The following MAGI3 variants were observed in gnomAD, a reference collection of about 807,000 sequenced individuals.
The protein encoded by MAGI3 is membrane-associated guanylate kinase, WW and PDZ domain-containing protein 3.
In MAGI3, 43 loss-of-function variants were observed where a neutral mutation model predicts 121.8. That is an observed-to-expected ratio of 0.35 (90% CI 0.28 to 0.46). The LOEUF is 0.46. MAGI3 is among the 20% of genes least tolerant of loss of function. The probability of loss-of-function intolerance (pLI) is 1.00; values close to 1 mark genes in which losing one functional copy is unlikely to be tolerated. For synonymous variants in MAGI3, 553 were observed against 639.3 expected (o/e 0.86, Z 2.04); for missense variants, 1,547 against 1,797.3 (o/e 0.86, Z 2.52).
chr1:113,672,871 T>C (rs541287680), intron 18 of MAGI3, 130 bp downstream of exon 18: 1 of 1,210,356 alleles, frequency 8.3e-7, no homozygotes, highest in East Asian at 2.5e-5. Flanking sequence ...AGACCTGCCA[T>C]GTGTTTGGCA....
At chr1:113,610,195 G>A (rs1472744605) in intron 6 of MAGI3, among the ~76,000 whole-genome samples, 1 of 151,922 alleles carries the variant, frequency 6.6e-6, no homozygotes, top group African/African-American at 2.4e-5. Context: ...GTGCAGTGGC[G>A]CGATCTCGGC....
intron 9 of MAGI3, among the ~76,000 whole-genome samples, chr1:113,637,178 T>A (rs1012171792): frequency 3.9e-5 from 6 of 152,248 alleles, no homozygotes; most frequent in Non-Finnish European, 8.8e-5. Context: ...CTTGACTCTT[T>A]ATCCAATTTG....
chr1:113,642,126 A>G lies in MAGI3; in HGVS notation c.1576A>G (p.Met526Val). The change falls in exon 10 of 21, where the codon ATG becomes GTG. Residue 526 changes from methionine to valine, a missense_variant. Physicochemically the swap from Met to Val is conservative, Grantham distance 21 (BLOSUM62 1). Transcript: ENST00000307546. ...GTCATTAACCAAGGGAGAGACTTGC[A>G]TGAATCCTCAGGATTTTAAGCCAGG... Reference protein sequence around the residue: ...GQSLTKGETCMNPQDFKPGAM... With the variant: ...GQSLTKGETCVNPQDFKPGAM... 1.2e-6 allele frequency: 2 copies of G among 1,614,198 alleles called. No individual in the cohort carries two copies. Among genetic ancestry groups the G allele is most frequent in the Non-Finnish European group, 1.7e-6 (2 of 1,180,038 alleles).
intron 1 of MAGI3, among the ~76,000 whole-genome samples, chr1:113,476,406 A>T (rs1655822425): frequency 6.6e-6 from 1 of 152,174 alleles, no homozygotes; most frequent in Admixed American, 6.5e-5. Context: ...TGTCCCAGAG[A>T]TTCTGGTAAG....
At chr1:113,473,280 C>G (rs1655633487) in intron 1 of MAGI3, among the ~76,000 whole-genome samples, 2 of 151,626 alleles carry the variant, frequency 1.3e-5, no homozygotes, top group African/African-American at 4.9e-5. Context: ...TTTTATTATA[C>G]TTTAAGTTCT....
At chr1:113,541,339 G>GC (rs1659280707) in intron 1 of MAGI3, among the ~76,000 whole-genome samples, 1 of 152,308 alleles carries the variant, frequency 6.6e-6, no homozygotes, top group South Asian at 2.1e-4. Flanking sequence ...GTTAGCAGGA[G>GC]CCTTTCTTGT....
At chr1:113,421,670 C>T (rs1364697659) in intron 1 of MAGI3, among the ~76,000 whole-genome samples, 1 of 151,794 alleles carries the variant, frequency 6.6e-6, no homozygotes, top group African/African-American at 2.4e-5. Context: ...TTGGACCATA[C>T]TCTTAATATA....
At chr1:113,639,332 C>T (rs562016553) in intron 9 of MAGI3, among the ~76,000 whole-genome samples, 4 of 152,346 alleles carry the variant, frequency 2.6e-5, no homozygotes, top group East Asian at 1.9e-4. Context: ...GCGTCGCTCA[C>T]GCTGGGAACT....
At chr1:113,408,619 T>G (rs1027642807) in intron 1 of MAGI3, among the ~76,000 whole-genome samples, 2 of 152,108 alleles carry the variant, frequency 1.3e-5, no homozygotes, top group African/African-American at 2.4e-5. Context: ...AAAATAAACA[T>G]TTTCACTATT....
Position 113,642,311 on chromosome 1 carries a change from G to A in MAGI3, c.1761G>A (p.Gly587=). 3 of 1,614,180 alleles carry A rather than the reference G, an allele frequency of 1.9e-6. No homozygotes were observed. The highest frequency in any genetic ancestry group is 2.5e-6 in the Non-Finnish European group (3 of 1,180,040). The change falls in exon 10 of 21, where the codon GGG becomes GGA. Residue 587 remains glycine, a synonymous_variant. Coordinates refer to ENST00000307546, the MANE Select transcript of MAGI3 (RefSeq NM_001142782.2). ...VTIPLIKGPK[G]FGFAIADSPT... ...TCCCTTTGATTAAGGGCCCTAAAGG[G>A]TTTGGGTTTGCAATTGCTGACAGCC...
intron 2 of MAGI3, among the ~76,000 whole-genome samples, chr1:113,553,983 T>G (rs942706231): frequency 2.0e-5 from 3 of 152,232 alleles, no homozygotes; most frequent in African/African-American, 7.2e-5. Context: ...CACTCCAGCC[T>G]GGTGACAGAG....
At chr1:113,605,493 A>G (rs78703286) in intron 6 of MAGI3, among the ~76,000 whole-genome samples, 15,719 of 152,160 alleles carry the variant, frequency 0.1, 1,041 homozygotes, top group East Asian at 0.19. Context: ...GAAGTGGGGT[A>G]AAGTGAGATA....
chr1:113,565,401 CT>C (rs2101694466), intron 2 of MAGI3, among the ~76,000 whole-genome samples: 1 of 152,260 alleles, frequency 6.6e-6, no homozygotes, highest in South Asian at 2.1e-4. Flanking sequence ...CCGTTGAAAT[CT>C]ATTAAATATA....
intron 1 of MAGI3, among the ~76,000 whole-genome samples, chr1:113,412,760 G>T (rs1652070436): frequency 6.6e-6 from 1 of 151,924 alleles, no homozygotes; most frequent in South Asian, 2.1e-4. Flanking sequence ...TAAGTTCTTT[G>T]TAGATTCTGG....
chr1:113,396,181 A>G (rs1265449471), intron 1 of MAGI3, among the ~76,000 whole-genome samples: 2 of 151,796 alleles, frequency 1.3e-5, no homozygotes, highest in Non-Finnish European at 2.9e-5. Context: ...AGTGCTTTGT[A>G]ATTTTTGGGG....
intron 2 of MAGI3, among the ~76,000 whole-genome samples, chr1:113,555,474 A>G (rs778854847): frequency 2.0e-5 from 3 of 152,206 alleles, no homozygotes; most frequent in Admixed American, 2.0e-4. Flanking sequence ...TGGCCGAGTT[A>G]CTATTTATTA....
rs115569586 is a variant in MAGI3 at position 113,607,063 on chromosome 1, A to T, written c.1019-7538A>T. Among the ~76,000 whole-genome samples the T allele has an allele frequency of 7.6e-3, 1,154 of 152,208 alleles. 13 individuals carry two copies. The highest frequency in any genetic ancestry group is 0.026 in the African/African-American group (1,081 of 41,528). ...CTCCTAATCACTACACACTTGGATT[A>T]TTCTTGGTCTTTCTTCCTCCAGTTA... On this transcript the variant is annotated intron_variant, in intron 6 of 20. Coordinates refer to ENST00000307546, the MANE Select transcript of MAGI3 (RefSeq NM_001142782.2).
chr1:113,522,844 A>G (rs529636132), intron 1 of MAGI3, among the ~76,000 whole-genome samples: 1 of 152,212 alleles, frequency 6.6e-6, no homozygotes, highest in Non-Finnish European at 1.5e-5. Context: ...ACTTCAGCAC[A>G]TATCTACTAA....
At chr1:113,640,589 T>G (rs924550237) in intron 9 of MAGI3, among the ~76,000 whole-genome samples, 5 of 152,028 alleles carry the variant, frequency 3.3e-5, no homozygotes, top group African/African-American at 1.2e-4. Flanking sequence ...GGGACATAGA[T>G]GAAGCTGGAA....
Sources: gnomAD v4.1 joint callset for allele counts (sites outside exome capture counted in the v4.1 genomes callset) on GRCh38, gnomAD v4.1.1 for gene constraint, MANE v1.5 for transcripts, NCBI Gene and HGNC (gene_info 2026-07-23, HGNC 2026-07-21) for gene names.